The following HTR3B variants were observed in gnomAD, a reference collection of about 807,000 sequenced individuals.
HTR3B encodes 5-hydroxytryptamine receptor 3B, also known as 5-hydroxytryptamine (serotonin) receptor 3B, ionotropic.
Under a neutral mutation model 42.8 loss-of-function variants are expected in HTR3B, and 44 were observed. That is an observed-to-expected ratio of 1.03 (90% CI 0.81 to 1.32). The LOEUF (loss-of-function observed/expected upper bound fraction) is 1.32, where lower values mean the gene tolerates loss of function less well. Ranked by LOEUF, HTR3B falls within the 40% of genes most tolerant of loss-of-function variation. HTR3B has a pLI of 0.00. For synonymous variants in HTR3B, 203 were observed against 209.0 expected, an observed-to-expected ratio of 0.97 and a Z score of 0.25; for missense variants, 527 against 536.5, an observed-to-expected ratio of 0.98 and a Z score of 0.17.
At chr11:113,903,286 C>A (rs45492591), upstream of HTR3B, among the ~76,000 whole-genome samples, 2 of 152,206 alleles carry the variant, frequency 1.3e-5, no homozygotes, top group African/African-American at 4.8e-5. Flanking sequence ...AAGACTATAC[C>A]GGAAGAGCTA....
chr11:113,942,288 C>A (rs1311943511), intron 6 of HTR3B, among the ~76,000 whole-genome samples: 1 of 151,970 alleles, frequency 6.6e-6, no homozygotes, highest in Non-Finnish European at 1.5e-5. Flanking sequence ...AAAAAAGAAA[C>A]CCCGTCTCTA....
In HTR3B at chr11:113,921,044, C is replaced by T. The variant is rs569117605; in HGVS notation, c.214-10340C>T. ...GCCAGGCTGGTCTTGAACTCCAGAC[C>T]GCAAGTGATCCACCCACCTCAGCCT... On this transcript the variant is annotated intron_variant, in intron 2 of 8. Coordinates refer to ENST00000260191, the MANE Select transcript of HTR3B (RefSeq NM_006028.5). Among the ~76,000 whole-genome samples, 64 of 150,348 alleles carry T rather than the reference C, an allele frequency of 4.3e-4. No homozygotes were observed. The East Asian group carries it at 5.7e-3, about 13-fold the overall frequency.
chr11:113,941,381 A>C (rs974759638), intron 6 of HTR3B, among the ~76,000 whole-genome samples: 1 of 152,200 alleles, frequency 6.6e-6, no homozygotes, highest in Non-Finnish European at 1.5e-5. Context: ...GTTTCTCTTT[A>C]GGAAGGATGA....
chr11:113,938,651 A>G (rs1223085174), intron 6 of HTR3B, among the ~76,000 whole-genome samples: 1 of 152,244 alleles, frequency 6.6e-6, no homozygotes, highest in Non-Finnish European at 1.5e-5. Context: ...CCAATGAGAT[A>G]ATAAAAACAA....
At chr11:113,912,032 G>A (rs1450965583) in intron 2 of HTR3B, among the ~76,000 whole-genome samples, 1 of 152,002 alleles carries the variant, frequency 6.6e-6, no homozygotes, top group Non-Finnish European at 1.5e-5. Flanking sequence ...TTTTTCACTC[G>A]GCATTTTGAG....
At chr11:113,922,234 T>A (rs552390226) in intron 2 of HTR3B, among the ~76,000 whole-genome samples, 24 of 151,852 alleles carry the variant, frequency 1.6e-4, no homozygotes, top group African/African-American at 5.6e-4. Flanking sequence ...TCTTTTTTGT[T>A]TTTATTTATT....
intron 6 of HTR3B, among the ~76,000 whole-genome samples, chr11:113,940,796 A>G (rs1392741122): frequency 6.6e-6 from 1 of 152,176 alleles, no homozygotes; most frequent in African/African-American, 2.4e-5. Context: ...CTCCTGCTCC[A>G]TCACTGGCCT....
chr11:113,944,826 G>A (rs1950164551), intron 8 of HTR3B, 71 bp downstream of exon 8: 1 of 1,477,254 alleles, frequency 6.8e-7, no homozygotes, highest in African/African-American at 1.4e-5. Context: ...CGTTGATGAT[G>A]TACTAGGTAT....
At chr11:113,941,689 G>A (rs962617614) in intron 6 of HTR3B, among the ~76,000 whole-genome samples, 4 of 152,148 alleles carry the variant, frequency 2.6e-5, no homozygotes, top group Non-Finnish European at 5.9e-5. Context: ...GCAGTGGCAG[G>A]AGATGGGAGG....
chr11:113,904,507 G>T (rs1949720057), upstream of HTR3B, among the ~76,000 whole-genome samples: 1 of 152,150 alleles, frequency 6.6e-6, no homozygotes, highest in Admixed American at 6.6e-5. Flanking sequence ...ACAGCTATTT[G>T]GATTTCAATT....
upstream of HTR3B, chr11:113,904,769 T>C (rs1300906035): frequency 1.6e-6 from 1 of 610,604 alleles, no homozygotes; most frequent in Non-Finnish European, 3.0e-6. Context: ...TGGTATTGCC[T>C]TTGGTCCCAC....
At chr11:113,934,251 G>T (rs1030866731) in intron 6 of HTR3B, among the ~76,000 whole-genome samples, 1 of 152,106 alleles carries the variant, frequency 6.6e-6, no homozygotes, top group Non-Finnish European at 1.5e-5. Context: ...GCTGGGTGTA[G>T]TGGTGTGTGC....
chr11:113,907,195 A>G (rs955382780), intron 1 of HTR3B, among the ~76,000 whole-genome samples: 4 of 152,196 alleles, frequency 2.6e-5, no homozygotes, highest in African/African-American at 9.7e-5. Flanking sequence ...AAATCTTACA[A>G]GTGAATCATT....
chr11:113,924,551 G>A (rs1268023431), intron 2 of HTR3B, among the ~76,000 whole-genome samples: 1 of 150,064 alleles, frequency 6.7e-6, no homozygotes, highest in Non-Finnish European at 1.5e-5. Flanking sequence ...CTTGGGCCTG[G>A]GAGGTTGAGG....
intron 2 of HTR3B, among the ~76,000 whole-genome samples, chr11:113,919,196 C>G (rs1949887881): frequency 6.6e-6 from 1 of 152,060 alleles, no homozygotes; most frequent in South Asian, 2.1e-4. Flanking sequence ...TTTCCATATT[C>G]ATCATTAACT....
upstream of HTR3B, chr11:113,904,704 G>T: frequency 2.0e-6 from 1 of 489,454 alleles, no homozygotes; most frequent in South Asian, 2.8e-5. Context: ...CAGAACCAAA[G>T]GGAGAAGTTA....
chr11:113,916,097 G>A (rs544523614), intron 2 of HTR3B, among the ~76,000 whole-genome samples: 3 of 152,198 alleles, frequency 2.0e-5, no homozygotes, highest in Non-Finnish European at 4.4e-5. Flanking sequence ...TCGGGCTTCC[G>A]AAGTAGTGGG....
chr11:113,933,659 T>C (rs1950060798), intron 6 of HTR3B, among the ~76,000 whole-genome samples: 1 of 152,104 alleles, frequency 6.6e-6, no homozygotes, highest in Non-Finnish European at 1.5e-5. Context: ...GAACCCACAC[T>C]CCTCCGATGC....
chr11:113,911,813 G>A (rs1387552810), intron 2 of HTR3B, among the ~76,000 whole-genome samples: 1 of 152,154 alleles, frequency 6.6e-6, no homozygotes, highest in Non-Finnish European at 1.5e-5. Context: ...ACAGGCATGA[G>A]CCACGGTGCC....
Sources: allele counts gnomAD v4.1 joint callset (sites outside exome capture counted in the v4.1 genomes callset), GRCh38; gene constraint gnomAD v4.1.1; transcripts MANE v1.5; gene names NCBI Gene and HGNC (gene_info 2026-07-23, HGNC 2026-07-21).